SHISAL1: variants seen among roughly 807,000 people sequenced by gnomAD.
The protein encoded by SHISAL1 is protein shisa-like-1.
In SHISAL1, 9 loss-of-function variants were observed where a neutral mutation model predicts 22.6. The observed-to-expected ratio is 0.40, with a 90% CI of 0.24 to 0.70. The LOEUF (loss-of-function observed/expected upper bound fraction) is 0.70, where lower values mean the gene tolerates loss of function less well. Among genes scored for constraint, SHISAL1 ranks in the 30% least tolerant of loss-of-function variants. The pLI, the probability that SHISAL1 is intolerant of heterozygous loss-of-function variation, is 0.39. For missense variants in SHISAL1, 246 were observed against 270.6 expected (o/e 0.91, Z 0.64); for synonymous variants, 119 against 115.4 (o/e 1.03, Z -0.20).
At chr22:44,323,646 A>ACCATCCAT in the SHISAL1 span, among the ~76,000 whole-genome samples, 75 of 111,330 alleles carry the variant, frequency 6.7e-4, 1 homozygote, top group East Asian at 3.4e-3. Context: ...CCACCCACTC[A>ACCATCCAT]CCATCCATCC....
chr22:44,321,318 C>A, the SHISAL1 span, among the ~76,000 whole-genome samples: 1 of 152,208 alleles, frequency 6.6e-6, no homozygotes, highest in Non-Finnish European at 1.5e-5. Context: ...ATACGGAGCT[C>A]CCAGAAGTCT....
rs2055023134 is a variant in SHISAL1, at chr22:44,248,559, T to C, written c.*1126A>G. On this transcript the variant is annotated 3_prime_UTR_variant, in exon 5 of 5. Coordinates refer to ENST00000381176, the MANE Select transcript of SHISAL1 (RefSeq NM_001099294.2). ...GATTTCTAGAACGCTCCTGCCTGGG[T>C]TTCCATGGCCTTGTTACCCTTTCCA... 1 of 152,128 alleles carries C rather than the reference T, an allele frequency of 6.6e-6. No individual in the cohort carries two copies. The highest frequency in any genetic ancestry group is 2.4e-5 in the African/African-American group (1 of 41,414). The allele number at this position is 152,128 out of a possible 1,614,324, so 9.4% of individuals were successfully genotyped here. A position where few individuals can be genotyped will look rare whatever the true frequency, so the allele number is the denominator to read the frequency against.
intron 4 of SHISAL1, among the ~76,000 whole-genome samples, chr22:44,253,730 C>A (rs1263487616): frequency 6.6e-6 from 1 of 151,894 alleles, no homozygotes; most frequent in Non-Finnish European, 1.5e-5. Context: ...GCATGAGCCA[C>A]CATGCCCGGC....
chr22:44,330,797 C>A, the SHISAL1 span, among the ~76,000 whole-genome samples: 1 of 152,186 alleles, frequency 6.6e-6, no homozygotes, highest in Non-Finnish European at 1.5e-5. Context: ...TCCGAGGCTG[C>A]CGCCGGGCCG....
chr22:44,249,718 T>C, intron 4 of SHISAL1, 33 bp from the exon 5 acceptor site: 1 of 778,750 alleles, frequency 1.3e-6, no homozygotes. Context: ...AAGTATCACA[T>C]GGTGTCTCCT....
At chr22:44,318,627 G>T in the SHISAL1 span, among the ~76,000 whole-genome samples, 1 of 152,220 alleles carries the variant, frequency 6.6e-6, no homozygotes, top group South Asian at 2.1e-4. Flanking sequence ...GTGGTGTGAG[G>T]ATTAAATGAG....
chr22:44,262,664 C>T (rs376784860), intron 4 of SHISAL1, among the ~76,000 whole-genome samples: 2 of 152,210 alleles, frequency 1.3e-5, no homozygotes, highest in African/African-American at 4.8e-5. Flanking sequence ...CGGCCAGCCC[C>T]TCTCGTCTGG....
At position 44,285,592 on chromosome 22, in the gene SHISAL1, G is replaced by T. The variant is rs373256060; in HGVS notation, c.435C>A (p.Asp145Glu). 4 of 1,613,898 alleles carry T rather than the reference G, an allele frequency of 2.5e-6. No individual in the cohort carries two copies. The highest frequency in any genetic ancestry group is 1.7e-6 in the Non-Finnish European group (2 of 1,179,890). ...WGIQGRWMKQDPRRWGNPARA... is the reference protein window; with the variant it reads ...WGIQGRWMKQEPRRWGNPARA... ...GAGCGGGGTTCCCCCACCGCCGGGG[G>T]TCCTGTTTCATCCATCGTCCTTGGA... Residue 145 changes from aspartate to glutamate, a missense_variant, in exon 4 of 5, where the codon GAC becomes GAA. Coordinates refer to ENST00000381176, the MANE Select transcript of SHISAL1 (RefSeq NM_001099294.2).
chr22:44,292,658 G>C (rs9614425), intron 3 of SHISAL1, among the ~76,000 whole-genome samples: 15,107 of 152,250 alleles, frequency 0.099, 997 homozygotes, highest in South Asian at 0.16. Flanking sequence ...CCCATCCAAT[G>C]ACCCAGGACT....
At chr22:44,309,559 A>G (rs1392627101) in intron 1 of SHISAL1, among the ~76,000 whole-genome samples, 1 of 152,076 alleles carries the variant, frequency 6.6e-6, no homozygotes, top group Non-Finnish European at 1.5e-5. Flanking sequence ...TGTTACACAG[A>G]TGGAGAATGT....
At chr22:44,261,077 T>TTATAAATATATATATATA (rs2055119624) in intron 4 of SHISAL1, among the ~76,000 whole-genome samples, 2 of 108,746 alleles carry the variant, frequency 1.8e-5, no homozygotes, top group African/African-American at 7.2e-5. Flanking sequence ...CTTCATTACT[T>TTATAAATATATATATATA]TATATATATA....
intron 3 of SHISAL1, 56 bp from the exon 4 acceptor site, chr22:44,285,801 C>T (rs752053315): frequency 1.2e-4 from 171 of 1,443,054 alleles, no homozygotes; most frequent in Non-Finnish European, 1.5e-4. Context: ...CAGCTCAGGC[C>T]GGCTTCATCA....
chr22:44,262,051 G>A (rs1230063001), intron 4 of SHISAL1, among the ~76,000 whole-genome samples: 2 of 152,240 alleles, frequency 1.3e-5, no homozygotes, highest in East Asian at 3.8e-4. Flanking sequence ...AGCGGGTAGG[G>A]GAGCCACACC....
In SHISAL1 at chr22:44,300,912, G is replaced by A. The variant is rs1206144423; in HGVS notation, c.34C>T (p.Leu12Phe). 6.2e-7 allele frequency: 1 copy of A among 1,614,060 alleles called. No homozygotes were observed. The highest frequency in any genetic ancestry group is 1.7e-5 in the Admixed American group (1 of 60,004). Reference sequence around the variant, plus strand: ...AACAGCAATGAGAAGAGGACGGCGAGCACGTTCAAGGACTGCTGGCCACAA... The same window carrying A: ...AACAGCAATGAGAAGAGGACGGCGAACACGTTCAAGGACTGCTGGCCACAA... ...TSCGQQSLNVLAVLFSLLFSA... is the reference protein window; with the variant it reads ...TSCGQQSLNVFAVLFSLLFSA... Residue 12 changes from leucine to phenylalanine, a missense_variant, in exon 2 of 5, where the codon CTC becomes TTC. Leu to Phe is a conservative substitution (Grantham distance 22). Coordinates refer to ENST00000381176, the MANE Select transcript of SHISAL1 (RefSeq NM_001099294.2).
At chr22:44,257,425 G>A (rs1446762391) in intron 4 of SHISAL1, among the ~76,000 whole-genome samples, 1 of 152,078 alleles carries the variant, frequency 6.6e-6, no homozygotes, top group African/African-American at 2.4e-5. Flanking sequence ...TCCTTCCCTG[G>A]GCATTGGTCA....
intron 1 of SHISAL1, among the ~76,000 whole-genome samples, chr22:44,304,249 C>T (rs1308769649): frequency 6.8e-6 from 1 of 147,130 alleles, no homozygotes; most frequent in African/African-American, 2.5e-5. Context: ...AAAGGAAAGC[C>T]ACTCGGGCCA....
chr22:44,270,791 T>A (rs762622700), intron 4 of SHISAL1, among the ~76,000 whole-genome samples: 23 of 152,156 alleles, frequency 1.5e-4, no homozygotes, highest in Non-Finnish European at 2.9e-4. Context: ...CCAGCACCAC[T>A]GACGGCTGCT....
chr22:44,311,248 T>G (rs1367979622), intron 1 of SHISAL1, among the ~76,000 whole-genome samples: 1 of 152,152 alleles, frequency 6.6e-6, no homozygotes, highest in African/African-American at 2.4e-5. Context: ...ACTTGCTCCA[T>G]GGGGCTGCTC....
the SHISAL1 span, among the ~76,000 whole-genome samples, chr22:44,321,540 G>T: frequency 6.6e-6 from 1 of 152,150 alleles, no homozygotes; most frequent in Non-Finnish European, 1.5e-5. Context: ...CTTACACAGG[G>T]CTAGAGTCTG....
Sources: gnomAD v4.1 joint callset for allele counts (sites outside exome capture counted in the v4.1 genomes callset) on GRCh38, gnomAD v4.1.1 for gene constraint, MANE v1.5 for transcripts, NCBI Gene and HGNC (gene_info 2026-07-23, HGNC 2026-07-21) for gene names.